Variants in ATP9B observed in about 807,000 individuals in gnomAD.
The protein encoded by ATP9B is ATPase phospholipid transporting 9B.
In ATP9B, 110 loss-of-function variants were observed where a neutral mutation model predicts 146.1. That is an observed-to-expected ratio of 0.75 (90% confidence interval 0.65 to 0.88). The LOEUF (loss-of-function observed/expected upper bound fraction) is 0.88. Ranked by LOEUF, ATP9B falls within the 40% of genes least tolerant of loss-of-function variation. ATP9B has a pLI of 0.00. For missense variants in ATP9B, 1,499 were observed against 1,496.4 expected (o/e 1.00, Z -0.03); for synonymous variants, 604 against 569.7 (o/e 1.06, Z -0.86).
chr18:79,342,922 G>A (rs2096867115), intron 20 of ATP9B, among the ~76,000 whole-genome samples: 1 of 152,174 alleles, frequency 6.6e-6, no homozygotes, highest in Non-Finnish European at 1.5e-5. Context: ...CAGAGCAAGT[G>A]CTGCCTTAAC....
Position 79,311,160 on chromosome 18 carries a change from G to T in ATP9B, c.1773+3926G>T, listed in dbSNP as rs566748010. On this transcript the variant is annotated intron_variant, in intron 15 of 29. Transcript: ENST00000426216. ...GAGCAAGACTCAGTCTCAAAAAAAA[G>T]AAAAGAAATGCTGGGCTGGGGCTGG... 3.8e-4 allele frequency among the ~76,000 whole-genome samples: 56 copies of T among 148,612 alleles called. 1 individual carries two copies. The South Asian group carries it at 0.012, about 32-fold the overall frequency.
At chr18:79,290,880 C>T (rs1003067580) in intron 13 of ATP9B, among the ~76,000 whole-genome samples, 7 of 152,292 alleles carry the variant, frequency 4.6e-5, no homozygotes, top group Admixed American at 2.0e-4. Context: ...GCTCTAGGTG[C>T]GTGGCATATC....
chr18:79,111,605 T>G (rs2146993385), intron 3 of ATP9B, among the ~76,000 whole-genome samples: 1 of 152,324 alleles, frequency 6.6e-6, no homozygotes, highest in Non-Finnish European at 1.5e-5. Flanking sequence ...TATTAAATAC[T>G]CACAGATCTC....
At chr18:79,273,664 T>G (rs1317751910) in intron 12 of ATP9B, among the ~76,000 whole-genome samples, 1 of 152,224 alleles carries the variant, frequency 6.6e-6, no homozygotes, top group Non-Finnish European at 1.5e-5. Context: ...TGCTGCAGGT[T>G]TAATTATAAC....
At chr18:79,303,191 G>A (rs182067288) in intron 13 of ATP9B, among the ~76,000 whole-genome samples, 11 of 152,234 alleles carry the variant, frequency 7.2e-5, no homozygotes, top group Admixed American at 7.2e-4. Context: ...GGGAGTCACT[G>A]CCTCTACAAA....
rs192640021 is a variant in ATP9B, at chr18:79,285,448, G to A, written c.1411+8252G>A. ...TGAGAAGTGCCTGTTCATGTCCTTCGCCCACTTGTTGATGGGGTTGTTTTT... is the reference window on the plus strand; with the variant it reads ...TGAGAAGTGCCTGTTCATGTCCTTCACCCACTTGTTGATGGGGTTGTTTTT... On this transcript the variant is annotated intron_variant, in intron 13 of 29. Coordinates refer to ENST00000426216, the MANE Select transcript of ATP9B (RefSeq NM_198531.5). 1.6e-4 allele frequency among the ~76,000 whole-genome samples: 24 copies of A among 152,252 alleles called. No homozygotes were observed. In the South Asian group the frequency reaches 1.7e-3, roughly 11 times the overall value.
chr18:79,337,084 C>T (rs1237259156), intron 18 of ATP9B, among the ~76,000 whole-genome samples, 195 bp from the exon 19 acceptor site: 3 of 148,246 alleles, frequency 2.0e-5, no homozygotes, highest in Non-Finnish European at 4.5e-5. Flanking sequence ...AGCACGTACA[C>T]GTGTGCACAC....
intron 15 of ATP9B, among the ~76,000 whole-genome samples, chr18:79,308,134 C>T (rs909691270): frequency 2.6e-5 from 4 of 152,088 alleles, no homozygotes; most frequent in Non-Finnish European, 4.4e-5. Flanking sequence ...AGAGACAAGA[C>T]GCAACTTCAC....
intron 26 of ATP9B, among the ~76,000 whole-genome samples, chr18:79,371,523 T>A (rs2147997446): frequency 6.6e-6 from 1 of 152,342 alleles, no homozygotes; most frequent in South Asian, 2.1e-4. Context: ...ACTTAACATA[T>A]GTCACCACAC....
At chr18:79,188,551 A>G (rs1254211826) in intron 8 of ATP9B, among the ~76,000 whole-genome samples, 2 of 152,214 alleles carry the variant, frequency 1.3e-5, no homozygotes, top group East Asian at 1.9e-4. Context: ...CTTACATGGA[A>G]AAAGCATTCT....
chr18:79,251,534 A>G (rs945654322), intron 11 of ATP9B, among the ~76,000 whole-genome samples: 1 of 152,218 alleles, frequency 6.6e-6, no homozygotes, highest in Non-Finnish European at 1.5e-5. Flanking sequence ...AGTTTAGCAC[A>G]AAATGTAGTA....
chr18:79,268,735 G>A (rs530637666), intron 12 of ATP9B, among the ~76,000 whole-genome samples: 1 of 152,090 alleles, frequency 6.6e-6, no homozygotes, highest in Non-Finnish European at 1.5e-5. Context: ...GTTTATCCAC[G>A]TTTCGGTTCG....
intron 15 of ATP9B, chr18:79,307,504 C>G (rs2096626325): frequency 4.6e-6 from 2 of 433,254 alleles, no homozygotes; most frequent in South Asian, 6.4e-5. Flanking sequence ...ATGAGAAATA[C>G]CAGCGAGGTT....
At chr18:79,372,999 TA>T (rs1436803304) in intron 27 of ATP9B, 117 bp downstream of exon 27, 1 of 661,892 alleles carries the variant, frequency 1.5e-6, no homozygotes, top group Non-Finnish European at 2.6e-6. Context: ...CATCAGCAGT[TA>T]AATACTCCCT....
chr18:79,238,878 G>A (rs554158198), intron 11 of ATP9B, among the ~76,000 whole-genome samples: 16 of 151,628 alleles, frequency 1.1e-4, no homozygotes, highest in Admixed American at 2.6e-4. Flanking sequence ...ATGCAGTGAC[G>A]CAGACGCACT....
At chr18:79,337,649 T>G (rs1411184431) in intron 19 of ATP9B, among the ~76,000 whole-genome samples, 200 bp downstream of exon 19, 4 of 152,032 alleles carry the variant, frequency 2.6e-5, no homozygotes, top group African/African-American at 9.7e-5. Context: ...CCACCCCTAC[T>G]CCAGACCTTC....
chr18:79,080,006 AAC>A (rs1555729624), intron 1 of ATP9B, among the ~76,000 whole-genome samples: 1 of 152,170 alleles, frequency 6.6e-6, no homozygotes, highest in Non-Finnish European at 1.5e-5. Context: ...ATTGGTCTAT[AAC>A]TCTGTTTTGG....
Position 79,307,007 on chromosome 18 carries a change from A to T in ATP9B, c.1546A>T (p.Asn516Tyr), listed in dbSNP as rs747778288. 5.0e-6 allele frequency: 8 copies of T among 1,614,114 alleles called. No individual in the cohort carries two copies. Among genetic ancestry groups the T allele is most frequent in the Non-Finnish European group, 6.8e-6 (8 of 1,180,036 alleles). Residue 516 changes from asparagine (N) to tyrosine (Y), a missense_variant, in exon 15 of 30, where the codon AAC becomes TAC. Transcript: ENST00000426216. ...YSQMQSQAGG[N>Y]NTGSTPLRKA... The stretch of plus-strand genomic sequence containing the variant: ...AAAGATGCAGTCTCAAGCTGGTGGA[A>T]ACAATACTGGTTCAACTCCACTAAG...
At chr18:79,206,896 A>G (rs923415204) in intron 9 of ATP9B, 41 bp from the exon 10 acceptor site, 20 of 1,584,024 alleles carry the variant, frequency 1.3e-5, no homozygotes, top group Non-Finnish European at 1.6e-5. Flanking sequence ...ATAATGAACA[A>G]TCATTTGACG....
Sources: gnomAD v4.1 joint callset for allele counts (sites outside exome capture counted in the v4.1 genomes callset) on GRCh38, gnomAD v4.1.1 for gene constraint, MANE v1.5 for transcripts, NCBI Gene and HGNC (gene_info 2026-07-23, HGNC 2026-07-21) for gene names.